CNBD1: variants seen among roughly 807,000 people sequenced by gnomAD.
The protein encoded by CNBD1 is cyclic nucleotide-binding domain-containing protein 1.
A neutral mutation model predicts 54.4 loss-of-function variants in CNBD1; 71 were observed. The observed-to-expected ratio is 1.30, with a 90% confidence interval of 1.08 to 1.59. The LOEUF (loss-of-function observed/expected upper bound fraction) is 1.59. Among genes scored for constraint, CNBD1 ranks in the 40% most tolerant of loss-of-function variants. CNBD1 has a pLI of 0.00. For synonymous variants in CNBD1, 182 were observed against 170.7 expected, an observed-to-expected ratio of 1.07 and a Z score of -0.51; for missense variants, 659 against 518.0, an observed-to-expected ratio of 1.27 and a Z score of -2.64.
intron 4 of CNBD1, among the ~76,000 whole-genome samples, chr8:87,058,586 G>T (rs900802126): frequency 9.2e-5 from 14 of 152,176 alleles, no homozygotes; most frequent in Non-Finnish European, 7.3e-5. Flanking sequence ...CTGCACAACT[G>T]CAGGACCAAC....
In CNBD1 at chr8:87,341,121, C is replaced by T. The variant is rs185760768; in HGVS notation, c.1043-10564C>T. On this transcript the variant is annotated intron_variant, in intron 8 of 10. Transcript: ENST00000518476. Reference sequence around the variant, plus strand: ...TTAGATGTATCTTCTTGGACTTGTGCTTGTAAATTTCTAATTCAAGATATT... The same window carrying T: ...TTAGATGTATCTTCTTGGACTTGTGTTTGTAAATTTCTAATTCAAGATATT... Among the ~76,000 whole-genome samples the T allele has an allele frequency of 2.0e-4, 31 of 152,256 alleles. No homozygotes were observed. The East Asian group carries it at 5.8e-3, about 28-fold the overall frequency.
intron 4 of CNBD1, among the ~76,000 whole-genome samples, chr8:87,084,154 G>A (rs1425176848): frequency 6.6e-6 from 1 of 152,052 alleles, no homozygotes; most frequent in Non-Finnish European, 1.5e-5. Context: ...ATGTTTCATT[G>A]TATATATGTT....
chr8:87,136,522 T>C (rs1200435476), intron 4 of CNBD1, among the ~76,000 whole-genome samples: 4 of 120,166 alleles, frequency 3.3e-5, no homozygotes, highest in Admixed American at 2.4e-4. Context: ...TTTTATATTA[T>C]ATATAAATTA....
chr8:87,422,609 C>T (rs1478284982), intron 2 of CNBD1, among the ~76,000 whole-genome samples: 2 of 152,056 alleles, frequency 1.3e-5, no homozygotes, highest in East Asian at 1.9e-4. Context: ...TTTCTGAGGG[C>T]TCTGTTTTGT....
At chr8:87,000,995 TC>T (rs1405004113) in intron 4 of CNBD1, among the ~76,000 whole-genome samples, 1 of 152,176 alleles carries the variant, frequency 6.6e-6, no homozygotes, top group East Asian at 1.9e-4. Flanking sequence ...GAAACATTTT[TC>T]TACATTTTAT....
chr8:87,310,328 C>G (rs1212246135), intron 8 of CNBD1, among the ~76,000 whole-genome samples: 1 of 152,064 alleles, frequency 6.6e-6, no homozygotes, highest in Non-Finnish European at 1.5e-5. Flanking sequence ...GCACTCCAGC[C>G]TGGGTGATAG....
chr8:87,068,788 A>T (rs906747622), intron 4 of CNBD1, among the ~76,000 whole-genome samples: 1 of 152,002 alleles, frequency 6.6e-6, no homozygotes, highest in Admixed American at 6.6e-5. Context: ...CCTGCCCTCC[A>T]TCATTCCTTT....
At chr8:87,055,995 G>A (rs1024664380) in intron 4 of CNBD1, among the ~76,000 whole-genome samples, 7 of 151,002 alleles carry the variant, frequency 4.6e-5, no homozygotes, top group African/African-American at 1.7e-4. Context: ...AACAACTATA[G>A]GTAATATTTG....
chr8:87,354,026 G>T, intron 10 of CNBD1: 1 of 310,976 alleles, frequency 3.2e-6, no homozygotes, highest in Non-Finnish European at 5.9e-6. Flanking sequence ...AAAGAGGTGA[G>T]GACTTGATGC....
chr8:87,013,826 C>T (rs1195715293), intron 4 of CNBD1, among the ~76,000 whole-genome samples: 5 of 151,748 alleles, frequency 3.3e-5, no homozygotes, highest in East Asian at 3.9e-4. Context: ...TCTGGCACAC[C>T]GAACTTTTTC....
chr8:86,930,605 C>T (rs372589176), intron 3 of CNBD1, among the ~76,000 whole-genome samples: 1 of 152,134 alleles, frequency 6.6e-6, no homozygotes, highest in African/African-American at 2.4e-5. Flanking sequence ...AGAAGGCATC[C>T]TTGAGGTCCA....
chr8:86,871,118 C>T (rs752747645), intron 1 of CNBD1, among the ~76,000 whole-genome samples: 30 of 152,090 alleles, frequency 2.0e-4, no homozygotes, highest in Non-Finnish European at 4.0e-4. Context: ...TTTTGAGTGG[C>T]GTTTAGAAAT....
chr8:87,396,547 A>G (rs1355893583), intron 2 of CNBD1, among the ~76,000 whole-genome samples: 1 of 151,802 alleles, frequency 6.6e-6, no homozygotes, highest in Non-Finnish European at 1.5e-5. Flanking sequence ...TGACTTTTAT[A>G]TTTGTATTTA....
chr8:87,317,098 G>A (rs1210557536), intron 8 of CNBD1, among the ~76,000 whole-genome samples: 3 of 151,500 alleles, frequency 2.0e-5, no homozygotes, highest in Admixed American at 2.0e-4. Context: ...TTTTTGTGGG[G>A]GTGAACTGTC....
chr8:86,866,669 C>A, intron 1 of CNBD1, 86 bp downstream of exon 1: 1 of 968,882 alleles, frequency 1.0e-6, no homozygotes, highest in Non-Finnish European at 1.6e-6. Flanking sequence ...GGGGGTATTT[C>A]AGGGTTGATA....
At chr8:86,874,606 C>T (rs1470000049) in intron 1 of CNBD1, among the ~76,000 whole-genome samples, 3 of 151,808 alleles carry the variant, frequency 2.0e-5, no homozygotes, top group South Asian at 2.1e-4. Context: ...ATACATTGAC[C>T]GTTCTTTATT....
chr8:87,198,137 A>G (rs561066776), intron 4 of CNBD1, among the ~76,000 whole-genome samples: 5 of 152,250 alleles, frequency 3.3e-5, no homozygotes, highest in Non-Finnish European at 5.9e-5. Context: ...AGCCTAGGTA[A>G]GAAAAGCAGA....
chr8:87,384,482 G>T (rs987386778), downstream of CNBD1, among the ~76,000 whole-genome samples: 5 of 152,052 alleles, frequency 3.3e-5, no homozygotes, highest in Non-Finnish European at 5.9e-5. Context: ...ATGGAGAAAT[G>T]ATATTTTAAA....
At chr8:87,290,551 T>A (rs1312237949) in intron 8 of CNBD1, among the ~76,000 whole-genome samples, 1 of 152,210 alleles carries the variant, frequency 6.6e-6, no homozygotes, top group African/African-American at 2.4e-5. Context: ...ACATTTACCT[T>A]TAGTGGTACT....
Sources: allele counts gnomAD v4.1 joint callset (sites outside exome capture counted in the v4.1 genomes callset), GRCh38; gene constraint gnomAD v4.1.1; transcripts MANE v1.5; gene names NCBI Gene and HGNC (gene_info 2026-07-23, HGNC 2026-07-21).